The following LARGE1 variants were observed in gnomAD, a reference collection of about 807,000 sequenced individuals.
LARGE1 encodes the protein LARGE xylosyl- and glucuronyltransferase 1, also known as xylosyl- and glucuronyltransferase LARGE1.
A neutral mutation model predicts 87.6 loss-of-function variants in LARGE1; 43 were observed. The ratio of observed to expected loss-of-function variants is 0.49; its 90% CI spans 0.38 to 0.63. The LOEUF (loss-of-function observed/expected upper bound fraction) is 0.63. Ranked by LOEUF, LARGE1 falls within the 30% of genes least tolerant of loss-of-function variation. LARGE1 has a pLI of 0.00. For missense variants in LARGE1, 802 were observed against 1,000.2 expected, an observed-to-expected ratio of 0.80 and a Z score of 2.67; for synonymous variants, 434 against 394.6, an observed-to-expected ratio of 1.10 and a Z score of -1.18.
chr22:33,746,953 C>T (rs945392598), intron 2 of LARGE1, among the ~76,000 whole-genome samples: 1 of 152,100 alleles, frequency 6.6e-6, no homozygotes, highest in African/African-American at 2.4e-5. Flanking sequence ...GACACCTGGG[C>T]ACCTCCCCTG....
chr22:33,700,728 G>A (rs1217325726), intron 2 of LARGE1, among the ~76,000 whole-genome samples: 1 of 152,178 alleles, frequency 6.6e-6, no homozygotes, highest in Non-Finnish European at 1.5e-5. Context: ...CCATAAGTAG[G>A]CAGAGGTCTT....
intron 6 of LARGE1, among the ~76,000 whole-genome samples, chr22:33,452,766 T>C (rs5998947): frequency 1.3e-3 from 196 of 152,330 alleles, no homozygotes; most frequent in African/African-American, 4.2e-3. Flanking sequence ...GAGGTCTAGA[T>C]GTTTAAATAC....
chr22:33,453,488 T>C (rs1015510921), intron 6 of LARGE1, among the ~76,000 whole-genome samples: 1 of 151,596 alleles, frequency 6.6e-6, no homozygotes, highest in Non-Finnish European at 1.5e-5. Flanking sequence ...TCCCAGGGAG[T>C]GACCAAAACT....
intron 2 of LARGE1, among the ~76,000 whole-genome samples, chr22:33,716,357 T>A (rs1403261087): frequency 6.6e-6 from 1 of 152,214 alleles, no homozygotes; most frequent in Non-Finnish European, 1.5e-5. Context: ...CTACTTCATC[T>A]GTGCATTTGT....
At chr22:33,436,218 T>A (rs976607491) in intron 6 of LARGE1, among the ~76,000 whole-genome samples, 13 of 152,204 alleles carry the variant, frequency 8.5e-5, no homozygotes, top group Non-Finnish European at 1.5e-4. Flanking sequence ...ACAGCTGCTG[T>A]GACTTCACAT....
chr22:33,883,904 C>T (rs551268199), intron 1 of LARGE1, among the ~76,000 whole-genome samples: 2 of 152,356 alleles, frequency 1.3e-5, no homozygotes, highest in South Asian at 4.1e-4. Context: ...GTATTTACCA[C>T]CACAGGAGAC....
chr22:33,389,051 C>G, intron 7 of LARGE1, among the ~76,000 whole-genome samples: 1 of 152,266 alleles, frequency 6.6e-6, no homozygotes, highest in Non-Finnish European at 1.5e-5. Context: ...AGGAGGGAGG[C>G]CTGGGTGGCC....
chr22:33,656,571 G>A (rs1252798349), intron 2 of LARGE1, among the ~76,000 whole-genome samples: 1 of 152,138 alleles, frequency 6.6e-6, no homozygotes, highest in Non-Finnish European at 1.5e-5. Context: ...CATAAAGGCA[G>A]AAGTGGATAG....
At chr22:33,850,839 G>T (rs1189624085) in intron 1 of LARGE1, among the ~76,000 whole-genome samples, 1 of 151,920 alleles carries the variant, frequency 6.6e-6, no homozygotes, top group Non-Finnish European at 1.5e-5. Context: ...TTCTATCCCT[G>T]CCTCTCTCTT....
At chr22:33,772,174 A>G (rs1029373943) in intron 1 of LARGE1, among the ~76,000 whole-genome samples, 2 of 152,166 alleles carry the variant, frequency 1.3e-5, no homozygotes, top group African/African-American at 4.8e-5. Context: ...TCTACTAAAA[A>G]TACAAAAAAT....
the LARGE1 span, among the ~76,000 whole-genome samples, chr22:33,135,372 T>G: frequency 6.6e-6 from 1 of 152,200 alleles, no homozygotes; most frequent in Non-Finnish European, 1.5e-5. Context: ...TGACTTCCAG[T>G]CTCATTTATC....
chr22:33,859,959 T>C (rs759126161), intron 1 of LARGE1, among the ~76,000 whole-genome samples: 6 of 152,090 alleles, frequency 3.9e-5, no homozygotes, highest in Non-Finnish European at 8.8e-5. Context: ...TGCCAGGGGC[T>C]GGGAGGAGGG....
intron 1 of LARGE1, among the ~76,000 whole-genome samples, chr22:33,851,962 TTGAG>T (rs1568986380): frequency 6.6e-6 from 1 of 152,168 alleles, no homozygotes; most frequent in Non-Finnish European, 1.5e-5. Flanking sequence ...GTGTTGATGA[TTGAG>T]TGGTCTTGTT....
intron 1 of LARGE1, among the ~76,000 whole-genome samples, chr22:33,772,950 C>A (rs2085118850): frequency 6.6e-6 from 1 of 152,182 alleles, no homozygotes; most frequent in South Asian, 2.1e-4. Context: ...AACAAAGGTC[C>A]AGCAACTAGC....
chr22:33,237,385 T>TAAAACC (rs1470415137), intron 11 of LARGE1, among the ~76,000 whole-genome samples: 1 of 151,722 alleles, frequency 6.6e-6, no homozygotes, highest in Non-Finnish European at 1.5e-5. Context: ...CCTCTTAACC[T>TAAAACC]AAAACCAAAA....
chr22:33,272,210 T>C (rs1928304525), downstream of LARGE1, among the ~76,000 whole-genome samples: 1 of 152,234 alleles, frequency 6.6e-6, no homozygotes, highest in Admixed American at 6.5e-5. Context: ...TAGCTGGTAA[T>C]GATTAATTCA....
intron 6 of LARGE1, among the ~76,000 whole-genome samples, chr22:33,532,871 C>A (rs181234549): frequency 6.6e-6 from 1 of 152,168 alleles, no homozygotes; most frequent in African/African-American, 2.4e-5. Context: ...TCCAGTTAGT[C>A]GTTTACTTGA....
At chr22:33,678,073 G>A (rs772964690) in intron 2 of LARGE1, among the ~76,000 whole-genome samples, 22 of 152,122 alleles carry the variant, frequency 1.4e-4, no homozygotes, top group Admixed American at 6.6e-4. Context: ...AATAAAAAAC[G>A]CATTTGTAAA....
chr22:33,707,028 T>G (rs1002175970), intron 2 of LARGE1, among the ~76,000 whole-genome samples: 10 of 152,244 alleles, frequency 6.6e-5, no homozygotes, highest in African/African-American at 2.4e-4. Flanking sequence ...TCTTCCAGAA[T>G]GTCACCAGAA....
Sources: allele counts gnomAD v4.1 joint callset (sites outside exome capture counted in the v4.1 genomes callset), GRCh38; gene constraint gnomAD v4.1.1; transcripts MANE v1.5; gene names NCBI Gene and HGNC (gene_info 2026-07-23, HGNC 2026-07-21).